Variants in EBF2 observed in about 807,000 individuals in gnomAD.
EBF2 encodes transcription factor COE2.
A neutral mutation model predicts 72.8 loss-of-function variants in EBF2; 21 were observed. That is an observed-to-expected ratio of 0.29 (90% CI 0.20 to 0.42). EBF2 has a LOEUF of 0.42. Among genes scored for constraint, EBF2 ranks in the 10% least tolerant of loss-of-function variants. EBF2 has a pLI of 1.00. For missense variants in EBF2, 637 were observed against 731.2 expected (o/e 0.87, Z 1.49); for synonymous variants, 299 against 274.2 (o/e 1.09, Z -0.89).
At chr8:25,846,360 T>C (rs1801836257) in intron 15 of EBF2, among the ~76,000 whole-genome samples, 1 of 152,140 alleles carries the variant, frequency 6.6e-6, no homozygotes, top group Non-Finnish European at 1.5e-5. Flanking sequence ...GGAACCATGC[T>C]GTATGTGGAG....
chr8:25,934,267 ACACACAC>A (rs1375061001), intron 6 of EBF2, among the ~76,000 whole-genome samples: 2 of 142,388 alleles, frequency 1.4e-5, no homozygotes, highest in African/African-American at 5.3e-5. Flanking sequence ...ACACACACAC[ACACACAC>A]ACCAATCTTG....
chr8:25,985,656 G>A (rs929312773), intron 6 of EBF2, among the ~76,000 whole-genome samples: 5 of 152,260 alleles, frequency 3.3e-5, no homozygotes, highest in African/African-American at 9.6e-5. Context: ...GGTCCAGCCA[G>A]GAGAGGAGAA....
At chr8:25,950,122 A>G (rs1803834043) in intron 6 of EBF2, among the ~76,000 whole-genome samples, 1 of 152,228 alleles carries the variant, frequency 6.6e-6, no homozygotes, top group African/African-American at 2.4e-5. Flanking sequence ...CACCTTAATC[A>G]GAGCATCTGA....
intron 6 of EBF2, among the ~76,000 whole-genome samples, chr8:25,961,600 A>G (rs910629693): frequency 2.0e-5 from 3 of 152,056 alleles, no homozygotes; most frequent in African/African-American, 7.2e-5. Context: ...TGACCTTATG[A>G]TCCACCCACC....
rs1215744577 is a variant in EBF2 at position 26,033,075 on chromosome 8, T to G, written c.551+10A>C. The G allele has an allele frequency of 2.5e-6, 4 of 1,613,742 alleles. No individual in the cohort carries two copies. In the Admixed American group the frequency reaches 6.7e-5, roughly 27 times the overall value. The stretch of plus-strand genomic sequence containing the variant: ...CCAAAAATGATTGAAAAATCACTTT[T>G]TCCCCCTACCTGTCAATTATGACTG... On this transcript the variant is annotated intron_variant, in intron 6 of 15. Transcript: ENST00000520164.
At chr8:25,929,563 T>C (rs1467857731) in intron 6 of EBF2, among the ~76,000 whole-genome samples, 1 of 152,192 alleles carries the variant, frequency 6.6e-6, no homozygotes, top group African/African-American at 2.4e-5. Context: ...ACTTTTTTTT[T>C]CCACTTTTGA....
At chr8:26,022,958 T>C (rs1274378582) in intron 6 of EBF2, among the ~76,000 whole-genome samples, 5 of 152,190 alleles carry the variant, frequency 3.3e-5, no homozygotes, top group Non-Finnish European at 7.3e-5. Context: ...AAAGAACAAT[T>C]CTTACAAGAT....
At chr8:25,853,794 C>A (rs936416317) in intron 14 of EBF2, among the ~76,000 whole-genome samples, 2 of 151,936 alleles carry the variant, frequency 1.3e-5, no homozygotes, top group Admixed American at 6.6e-5. Flanking sequence ...AATATTAAAA[C>A]TAACGTTGTA....
At position 25,843,694 on chromosome 8, in the gene EBF2, T is replaced by C. The variant is rs1399978289; in HGVS notation, c.*915A>G. 1 of 152,276 alleles carries C rather than the reference T, an allele frequency of 6.6e-6. No homozygotes were observed. Among genetic ancestry groups the C allele is most frequent in the African/African-American group, 2.4e-5 (1 of 41,454 alleles). 9.4% of individuals were successfully genotyped at this position (152,276 alleles called of 1,614,324 possible). A position where few individuals can be genotyped will look rare whatever the true frequency, so the allele number is the denominator to read the frequency against. On this transcript the variant is annotated 3_prime_UTR_variant, in exon 16 of 16. Transcript: ENST00000520164. Reference sequence around the variant, plus strand: ...AAAGTATTCACAAGAGTGTGGACTATTTAGAAATCAGACGGAGCTGGGAAT... The same window carrying C: ...AAAGTATTCACAAGAGTGTGGACTACTTAGAAATCAGACGGAGCTGGGAAT...
intron 6 of EBF2, among the ~76,000 whole-genome samples, chr8:26,005,471 A>ATT (rs1563205949): frequency 2.6e-5 from 1 of 38,446 alleles, no homozygotes; most frequent in African/African-American, 1.6e-4. Context: ...TATAAAATAT[A>ATT]ATATTATTTA....
chr8:25,938,491 G>A (rs567661762), intron 6 of EBF2, among the ~76,000 whole-genome samples: 26 of 151,498 alleles, frequency 1.7e-4, no homozygotes, highest in African/African-American at 5.3e-4. Flanking sequence ...TACCTTAACC[G>A]TGTAAGATAC....
intron 6 of EBF2, among the ~76,000 whole-genome samples, chr8:25,947,134 T>C (rs1803783759): frequency 6.6e-6 from 1 of 152,128 alleles, no homozygotes; most frequent in African/African-American, 2.4e-5. Flanking sequence ...TCCACCCAAA[T>C]CTCATCTTGA....
intron 7 of EBF2, among the ~76,000 whole-genome samples, chr8:25,898,793 A>C (rs1455158715): frequency 6.6e-6 from 1 of 152,156 alleles, no homozygotes; most frequent in African/African-American, 2.4e-5. Flanking sequence ...TCAGGAGCAC[A>C]CAGGCCCTGG....
At chr8:25,939,435 G>T (rs901184799) in intron 6 of EBF2, among the ~76,000 whole-genome samples, 5 of 152,176 alleles carry the variant, frequency 3.3e-5, no homozygotes, top group African/African-American at 1.2e-4. Flanking sequence ...TTGCGTCCGT[G>T]TGTGTTTGTG....
intron 6 of EBF2, among the ~76,000 whole-genome samples, chr8:26,013,009 C>T (rs999420443): frequency 2.0e-5 from 3 of 152,118 alleles, no homozygotes; most frequent in Non-Finnish European, 4.4e-5. Flanking sequence ...GAAATATAGA[C>T]AATCAACAAG....
In EBF2 at chr8:26,040,663, T is replaced by C; in HGVS notation, c.361A>G (p.Thr121Ala). ...AGCCTGACATAGAGGTCCTGTTCCG[T>C]GCGGACACCTGCGGGGACCGGAGGG... ...LQLLYSNGVR[T>A]EQDLYVRLID... Residue 121 changes from threonine to alanine, a missense_variant, in exon 4 of 16, where the codon ACG becomes GCG. Thr to Ala is a moderately conservative substitution (Grantham distance 58). This residue lies in a region of EBF2 where 174 missense variants were observed against 161.9 expected (regional missense o/e 1.07). Coordinates refer to ENST00000520164, the MANE Select transcript of EBF2 (RefSeq NM_022659.4). 6.4e-7 allele frequency: 1 copy of C among 1,554,950 alleles called. No individual in the cohort carries two copies. The highest frequency in any genetic ancestry group is 8.7e-7 in the Non-Finnish European group (1 of 1,148,742).
At chr8:25,995,425 G>A (rs923620025) in intron 6 of EBF2, among the ~76,000 whole-genome samples, 3 of 152,002 alleles carry the variant, frequency 2.0e-5, no homozygotes, top group African/African-American at 7.3e-5. Context: ...ATAAAAAATG[G>A]AAGACAGATC....
chr8:26,040,501 G>A, intron 4 of EBF2, 115 bp downstream of exon 4: 2 of 946,108 alleles, frequency 2.1e-6, no homozygotes, highest in Non-Finnish European at 3.2e-6. Flanking sequence ...CGTGGAGGGG[G>A]CTGTGGAGTC....
At chr8:25,866,581 ATAAT>A (rs1232845119) in intron 10 of EBF2, among the ~76,000 whole-genome samples, 2 of 136,232 alleles carry the variant, frequency 1.5e-5, no homozygotes, top group Admixed American at 7.5e-5. Context: ...TATATATATA[ATAAT>A]TTTTATATAA....
Sources: allele counts gnomAD v4.1 joint callset (sites outside exome capture counted in the v4.1 genomes callset), GRCh38; gene constraint gnomAD v4.1.1; regional missense constraint gnomAD v4.1.1; transcripts MANE v1.5; gene names NCBI Gene and HGNC (gene_info 2026-07-23, HGNC 2026-07-21).